Variants in EFEMP1 observed in about 807,000 individuals in gnomAD.
EFEMP1 encodes EGF-like fibulin extracellular matrix protein 1, also known as EGF-containing fibulin-like extracellular matrix protein 1.
EFEMP1 carries 18 observed loss-of-function variants against 65.7 expected under a neutral mutation model. The ratio of observed to expected loss-of-function variants is 0.27; its 90% CI spans 0.19 to 0.41. The LOEUF (loss-of-function observed/expected upper bound fraction) is 0.41, where lower values mean the gene tolerates loss of function less well. Among genes scored for constraint, EFEMP1 ranks in the 10% least tolerant of loss-of-function variants. The pLI is 1.00. For synonymous variants in EFEMP1, 237 were observed against 219.7 expected, an observed-to-expected ratio of 1.08 and a Z score of -0.70; for missense variants, 469 against 624.8, an observed-to-expected ratio of 0.75 and a Z score of 2.66.
chr2:55,908,009 T>C (rs1361921233), intron 5 of EFEMP1, among the ~76,000 whole-genome samples: 1 of 152,180 alleles, frequency 6.6e-6, no homozygotes, highest in Non-Finnish European at 1.5e-5. Flanking sequence ...TAGTTAACAG[T>C]TCTCAATGGG....
In EFEMP1 at chr2:55,871,830, C is replaced by T. The variant is rs1022837516; in HGVS notation, c.1001-707G>A. Among the ~76,000 whole-genome samples the T allele has an allele frequency of 6.6e-6, 1 of 151,960 alleles. No homozygotes were observed. Among genetic ancestry groups the T allele is most frequent in the African/African-American group, 2.4e-5 (1 of 41,382 alleles). The stretch of plus-strand genomic sequence containing the variant: ...GGAAGTGAAACTATGAAGTGTTCCA[C>T]CTCATAGAGCATAGCAATTTTAGGA... On this transcript the variant is annotated intron_variant, in intron 9 of 11. Coordinates refer to ENST00000355426, the MANE Select transcript of EFEMP1 (RefSeq NM_001039348.3). The surrounding 1 kb of genome is among the most constrained non-coding windows in gnomAD (Gnocchi z 4.2).
In EFEMP1 at chr2:55,883,536, G is replaced by A. The variant is rs1381738400; in HGVS notation, c.518-1802C>T. On this transcript the variant is annotated intron_variant, in intron 5 of 11. Transcript: ENST00000355426. This position sits in a 1 kb window ranked among gnomAD's most constrained non-coding sequence, Gnocchi z 4.5. ...CAGTGATAACAGTCCTGAGAGATAC[G>A]GCAATGTTAGATTCAGATGTGGCAA... Among the ~76,000 whole-genome samples, 1 of 152,222 alleles carries A rather than the reference G, an allele frequency of 6.6e-6. No individual in the cohort carries two copies. Among genetic ancestry groups the A allele is most frequent in the East Asian group, 1.9e-4 (1 of 5,182 alleles).
intron 5 of EFEMP1, among the ~76,000 whole-genome samples, chr2:55,915,334 G>A (rs1470321775): frequency 6.6e-6 from 1 of 152,104 alleles, no homozygotes; most frequent in Non-Finnish European, 1.5e-5. Flanking sequence ...GCACTTAATA[G>A]TCTGCTTATA....
chr2:55,914,084 T>G (rs1178793791), intron 5 of EFEMP1, among the ~76,000 whole-genome samples: 1 of 152,208 alleles, frequency 6.6e-6, no homozygotes, highest in Non-Finnish European at 1.5e-5. Context: ...TTATAATATA[T>G]TCCCCATTCA....
At chr2:55,918,328 A>G (rs1670787728) in intron 3 of EFEMP1, 61 bp from the exon 4 acceptor site, 2 of 1,579,048 alleles carry the variant, frequency 1.3e-6, no homozygotes, top group African/African-American at 2.7e-5. Context: ...CCATTCCCTA[A>G]GAAATCACTC....
chr2:55,896,061 G>A (rs950815951), intron 5 of EFEMP1, among the ~76,000 whole-genome samples: 4 of 152,140 alleles, frequency 2.6e-5, no homozygotes, highest in East Asian at 1.9e-4. Context: ...CCCCAGGCAC[G>A]TATCAGTGGC....
At chr2:55,889,328 A>G (rs1024117207) in intron 5 of EFEMP1, among the ~76,000 whole-genome samples, 1 of 152,202 alleles carries the variant, frequency 6.6e-6, no homozygotes, top group African/African-American at 2.4e-5. Context: ...GGTGAGTGTA[A>G]CTTGGCAATA....
At chr2:55,900,471 A>G (rs984078166) in intron 5 of EFEMP1, among the ~76,000 whole-genome samples, 10 of 152,210 alleles carry the variant, frequency 6.6e-5, no homozygotes, top group Non-Finnish European at 1.5e-4. Flanking sequence ...AAACACCTGG[A>G]GAAATCTGGA....
rs183334267 is a variant in EFEMP1 at position 55,887,234 on chromosome 2, A to T, written c.518-5500T>A. Among the ~76,000 whole-genome samples the T allele has an allele frequency of 3.3e-5, 5 of 152,250 alleles. No homozygotes were observed. In the East Asian group the frequency reaches 9.6e-4, roughly 29 times the overall value. ...GCAGAGATTCAAACACCAGATTTCCATTTTGTTTCTGCAATTTAGGTCCTG... is the reference window on the plus strand; with the variant it reads ...GCAGAGATTCAAACACCAGATTTCCTTTTTGTTTCTGCAATTTAGGTCCTG... On this transcript the variant is annotated intron_variant, in intron 5 of 11. Transcript: ENST00000355426.
intron 5 of EFEMP1, among the ~76,000 whole-genome samples, chr2:55,915,117 T>C (rs1285461448): frequency 1.3e-5 from 2 of 152,186 alleles, no homozygotes; most frequent in East Asian, 3.9e-4. Flanking sequence ...TAAATCCACA[T>C]TTATGGGCAC....
At position 55,917,186 on chromosome 2, in the gene EFEMP1, A is replaced by C. The variant is rs560859280; in HGVS notation, c.517+479T>G. Among the ~76,000 whole-genome samples, 2 of 152,328 alleles carry C rather than the reference A, an allele frequency of 1.3e-5. No individual in the cohort carries two copies. Among genetic ancestry groups the C allele is most frequent in the East Asian group, 3.9e-4 (2 of 5,178 alleles). ...CTTGACAGCATAATTTCAAATTCCC[A>C]GTGAATAACCTGATGGTGACTTTTG... On this transcript the variant is annotated intron_variant, in intron 5 of 11. Transcript: ENST00000355426. The surrounding 1 kb of genome is among the most constrained non-coding windows in gnomAD (Gnocchi z 6.3).
intron 11 of EFEMP1, among the ~76,000 whole-genome samples, chr2:55,868,290 T>C (rs1434504892): frequency 6.6e-6 from 1 of 152,186 alleles, no homozygotes; most frequent in Non-Finnish European, 1.5e-5. Flanking sequence ...ATGTGCCAGG[T>C]ACCATTCTAT....
Position 55,870,759 on chromosome 2 carries a change from C to T in EFEMP1, c.1281G>A (p.Arg427=), listed in dbSNP as rs1668774615. The change falls in exon 11 of 12, where the codon CGG becomes CGA. Residue 427 remains arginine (R), a synonymous_variant. Transcript: ENST00000355426. This position sits in a 1 kb window ranked among gnomAD's most constrained non-coding sequence, Gnocchi z 5.8. The part of the protein sequence containing the change: ...TIYANTINTF[R]IKSGNENGEF... ...CTCCATTTTCATTTCCAGATTTAATCCGAAAAGTATTGATGGTGTTGGCAT... is the reference window on the plus strand; with the variant it reads ...CTCCATTTTCATTTCCAGATTTAATTCGAAAAGTATTGATGGTGTTGGCAT... 1 of 1,613,706 alleles carries T rather than the reference C, an allele frequency of 6.2e-7. No individual in the cohort carries two copies. Among genetic ancestry groups the T allele is most frequent in the Non-Finnish European group, 8.5e-7 (1 of 1,179,742 alleles).
chr2:55,867,044 A>T lies in EFEMP1; in HGVS notation c.*29T>A. On this transcript the variant is annotated 3_prime_UTR_variant, in exon 12 of 12. Transcript: ENST00000355426. The surrounding 1 kb of genome is among the most constrained non-coding windows in gnomAD (Gnocchi z 4.3). ...GGTAACAATATTCTTTGGCTGACTT[A>T]AATGCCTGTGGTTGACTCTTAGAAA... The T allele has an allele frequency of 6.2e-7, 1 of 1,611,818 alleles. No individual in the cohort carries two copies. Among genetic ancestry groups the T allele is most frequent in the Non-Finnish European group, 8.5e-7 (1 of 1,179,656 alleles).
intron 5 of EFEMP1, among the ~76,000 whole-genome samples, chr2:55,910,332 T>G (rs1670435835): frequency 6.6e-6 from 1 of 152,222 alleles, no homozygotes; most frequent in South Asian, 2.1e-4. Flanking sequence ...CAGTTTTATT[T>G]TGAGTGTGCG....
chr2:55,871,534 C>T lies in EFEMP1; in HGVS notation c.1001-411G>A, dbSNP rs1432252441. Reference sequence around the variant, plus strand: ...GATAAGTATACTGGGGCATGTGGAGCAGAGTTGGGTAATTTTGCCAGGGGG... The same window carrying T: ...GATAAGTATACTGGGGCATGTGGAGTAGAGTTGGGTAATTTTGCCAGGGGG... On this transcript the variant is annotated intron_variant, in intron 9 of 11. Transcript: ENST00000355426. This position sits in a 1 kb window ranked among gnomAD's most constrained non-coding sequence, Gnocchi z 4.2. Among the ~76,000 whole-genome samples, 1 of 151,912 alleles carries T rather than the reference C, an allele frequency of 6.6e-6. No individual in the cohort carries two copies. The highest frequency in any genetic ancestry group is 1.5e-5 in the Non-Finnish European group (1 of 67,976).
intron 5 of EFEMP1, among the ~76,000 whole-genome samples, chr2:55,889,739 A>G (rs2104405631): frequency 6.6e-6 from 1 of 152,114 alleles, no homozygotes; most frequent in South Asian, 2.1e-4. Flanking sequence ...ACGCAGGAAG[A>G]GTTAAAAGTA....
intron 5 of EFEMP1, among the ~76,000 whole-genome samples, chr2:55,887,199 G>A (rs1669453533): frequency 6.6e-6 from 1 of 152,120 alleles, no homozygotes; most frequent in Non-Finnish European, 1.5e-5. Flanking sequence ...CTTGCCCAGG[G>A]TCACACAGAG....
intron 5 of EFEMP1, among the ~76,000 whole-genome samples, chr2:55,892,645 G>C (rs2104410518): frequency 6.6e-6 from 1 of 152,184 alleles, no homozygotes; most frequent in Non-Finnish European, 1.5e-5. Flanking sequence ...ATTTAGAGTA[G>C]CTTAATGTCT....
Sources: allele counts gnomAD v4.1 joint callset (sites outside exome capture counted in the v4.1 genomes callset), GRCh38; gene constraint gnomAD v4.1.1; non-coding constraint Gnocchi (gnomAD v3.1); transcripts MANE v1.5; gene names NCBI Gene and HGNC (gene_info 2026-07-23, HGNC 2026-07-21).